CDKAL1: variants seen among roughly 807,000 people sequenced by gnomAD.
CDKAL1 encodes threonylcarbamoyladenosine tRNA methylthiotransferase.
Under a neutral mutation model 68.2 loss-of-function variants are expected in CDKAL1, and 32 were observed. That is an observed-to-expected ratio of 0.47 (90% CI 0.35 to 0.63). CDKAL1 has a LOEUF of 0.63. Ranked by LOEUF, CDKAL1 falls within the 30% of genes least tolerant of loss-of-function variation. The pLI is 0.00. For missense variants in CDKAL1, 606 were observed against 696.7 expected, an observed-to-expected ratio of 0.87 and a Z score of 1.47; for synonymous variants, 234 against 244.3, an observed-to-expected ratio of 0.96 and a Z score of 0.39.
chr6:20,921,181 A>C (rs1413750373), intron 9 of CDKAL1, among the ~76,000 whole-genome samples: 1 of 152,190 alleles, frequency 6.6e-6, no homozygotes, highest in Non-Finnish European at 1.5e-5. Flanking sequence ...CTGTAATCTC[A>C]GCACTTTGGG....
At chr6:20,788,470 A>G (rs1323842915) in intron 8 of CDKAL1, among the ~76,000 whole-genome samples, 2 of 152,200 alleles carry the variant, frequency 1.3e-5, no homozygotes, top group Non-Finnish European at 2.9e-5. Flanking sequence ...TGAGCCGAGA[A>G]TGTGACACCA....
intron 4 of CDKAL1, among the ~76,000 whole-genome samples, chr6:20,612,904 A>C (rs1181498121): frequency 1.3e-5 from 2 of 151,776 alleles, no homozygotes; most frequent in East Asian, 3.9e-4. Context: ...AAGGGAACCA[A>C]AACCCATACA....
At chr6:20,959,696 C>G (rs929440832) in intron 10 of CDKAL1, among the ~76,000 whole-genome samples, 1 of 152,164 alleles carries the variant, frequency 6.6e-6, no homozygotes, top group Non-Finnish European at 1.5e-5. Context: ...TATATCGCCC[C>G]TGTAGTGGCA....
At chr6:20,577,403 T>C (rs1194606119) in intron 4 of CDKAL1, among the ~76,000 whole-genome samples, 1 of 152,212 alleles carries the variant, frequency 6.6e-6, no homozygotes. Flanking sequence ...AGCTTCAGAC[T>C]TCAAAAGAAA....
intron 8 of CDKAL1, among the ~76,000 whole-genome samples, chr6:20,815,973 T>C (rs1777026223): frequency 6.6e-6 from 1 of 152,176 alleles, no homozygotes; most frequent in African/African-American, 2.4e-5. Flanking sequence ...GGCAGTACCA[T>C]GTTCTCTCCA....
chr6:20,589,183 A>G (rs1440797176), intron 4 of CDKAL1, among the ~76,000 whole-genome samples: 4 of 152,190 alleles, frequency 2.6e-5, no homozygotes, highest in Non-Finnish European at 5.9e-5. Flanking sequence ...GCTAGATATC[A>G]TTGATATCAT....
At position 21,145,434 on chromosome 6, in the gene CDKAL1, C is replaced by T. The variant is rs147643142; in HGVS notation, c.1299+36971C>T. Among the ~76,000 whole-genome samples the T allele has an allele frequency of 8.1e-4, 124 of 152,248 alleles. 1 individual carries two copies. The highest frequency in any genetic ancestry group is 2.9e-3 in the African/African-American group (119 of 41,554). ...AACTGGTTAGCAACATCCCAGAAAA[C>T]TAGAATTCTCTAGTAACCCCTAGGT... On this transcript the variant is annotated intron_variant, in intron 13 of 15. Coordinates refer to ENST00000274695, the MANE Select transcript of CDKAL1 (RefSeq NM_017774.3).
intron 9 of CDKAL1, among the ~76,000 whole-genome samples, chr6:20,946,045 T>A (rs771423233): frequency 4.3e-4 from 65 of 152,298 alleles, no homozygotes; most frequent in Non-Finnish European, 7.8e-4. Flanking sequence ...TAAAGTGAAG[T>A]TATTGAGAGC....
intron 4 of CDKAL1, among the ~76,000 whole-genome samples, chr6:20,609,238 TC>T (rs1477974429): frequency 1.4e-4 from 20 of 141,214 alleles, no homozygotes; most frequent in Non-Finnish European, 1.7e-4. Flanking sequence ...TCTTCCTTCT[TC>T]CTTCCTTCTT....
intron 4 of CDKAL1, among the ~76,000 whole-genome samples, chr6:20,548,971 C>T (rs921536440): frequency 5.3e-5 from 8 of 152,132 alleles, no homozygotes; most frequent in Non-Finnish European, 7.4e-5. Flanking sequence ...TAACATCTTA[C>T]GTAGTTGTAA....
intron 5 of CDKAL1, among the ~76,000 whole-genome samples, chr6:20,697,634 A>G (rs914109256): frequency 6.6e-6 from 1 of 152,204 alleles, no homozygotes; most frequent in African/African-American, 2.4e-5. Flanking sequence ...ACATGGCAAA[A>G]GTTTTCATAC....
At chr6:20,782,043 C>T (rs1041295442) in intron 8 of CDKAL1, among the ~76,000 whole-genome samples, 1 of 152,166 alleles carries the variant, frequency 6.6e-6, no homozygotes, top group Non-Finnish European at 1.5e-5. Flanking sequence ...TCTGCTCTTT[C>T]TTCATGCTCC....
chr6:20,609,351 TCTC>T (rs1296067058), intron 4 of CDKAL1, among the ~76,000 whole-genome samples: 3 of 139,610 alleles, frequency 2.1e-5, no homozygotes, highest in African/African-American at 8.1e-5. Flanking sequence ...TTTCCCTCCT[TCTC>T]CTCCCTTCTT....
intron 5 of CDKAL1, among the ~76,000 whole-genome samples, chr6:20,707,775 A>G (rs749343043): frequency 2.6e-5 from 4 of 152,266 alleles, no homozygotes; most frequent in Non-Finnish European, 4.4e-5. Flanking sequence ...CATATAAAGT[A>G]GGTACTCAAT....
At chr6:21,163,049 T>C (rs986874519) in intron 13 of CDKAL1, among the ~76,000 whole-genome samples, 5 of 152,182 alleles carry the variant, frequency 3.3e-5, no homozygotes, top group African/African-American at 1.2e-4. Context: ...CCTTCTATGG[T>C]AATCACAGTG....
chr6:20,658,103 T>A (rs1416734214), intron 5 of CDKAL1, among the ~76,000 whole-genome samples: 2 of 152,228 alleles, frequency 1.3e-5, no homozygotes, highest in African/African-American at 4.8e-5. Flanking sequence ...TGGTTAATGC[T>A]TTATAGAAGT....
At chr6:20,548,392 GTGTGT>G (rs1763686224) in intron 3 of CDKAL1, among the ~76,000 whole-genome samples, 196 bp from the exon 4 acceptor site, 1 of 151,976 alleles carries the variant, frequency 6.6e-6, no homozygotes, top group Non-Finnish European at 1.5e-5. Flanking sequence ...AAATTAACAG[GTGTGT>G]TGGTGCATGA....
At chr6:20,999,762 T>C (rs1767333891) in intron 10 of CDKAL1, among the ~76,000 whole-genome samples, 1 of 151,596 alleles carries the variant, frequency 6.6e-6, no homozygotes, top group African/African-American at 2.4e-5. Context: ...TTGGCAATAA[T>C]ATTTGTATTA....
intron 8 of CDKAL1, among the ~76,000 whole-genome samples, chr6:20,808,878 A>G (rs1456436080): frequency 6.6e-6 from 1 of 152,172 alleles, no homozygotes; most frequent in East Asian, 1.9e-4. Flanking sequence ...TCTGGTCACT[A>G]AGTAACTGCT....
Sources: allele counts gnomAD v4.1 joint callset (sites outside exome capture counted in the v4.1 genomes callset), GRCh38; gene constraint gnomAD v4.1.1; transcripts MANE v1.5; gene names NCBI Gene and HGNC (gene_info 2026-07-23, HGNC 2026-07-21).